CCDC14: variants seen among roughly 807,000 people sequenced by gnomAD.
CCDC14 encodes the protein coiled-coil domain containing 14.
Under a neutral mutation model 81.4 loss-of-function variants are expected in CCDC14, and 71 were observed. That is an observed-to-expected ratio of 0.87 (90% CI 0.72 to 1.06). The LOEUF is 1.06. CCDC14 is among the 50% of genes least tolerant of loss of function. CCDC14 has a pLI of 0.00. For synonymous variants in CCDC14, 332 were observed against 364.8 expected (o/e 0.91, Z 1.03); for missense variants, 1,046 against 1,047.3 (o/e 1.00, Z 0.02).
rs1488129710 is a variant in CCDC14 at position 123,900,311 on chromosome 3, T to C, written c.668-2698A>G. On this transcript the variant is annotated intron_variant, in intron 5 of 5. Transcript: ENST00000479903. ...TTTATAACGGTCTCCCACACACCCA[T>C]GTACCCACTGGAAAAACTGGCTAAT... Among the ~76,000 whole-genome samples, 5 of 152,198 alleles carry C rather than the reference T, an allele frequency of 3.3e-5. No individual in the cohort carries two copies. The East Asian group carries it at 5.8e-4, about 18-fold the overall frequency.
At chr3:123,953,859 T>C (rs1222969234) in intron 5 of CCDC14, 1 of 152,184 alleles carries the variant, frequency 6.6e-6, no homozygotes, top group Admixed American at 6.6e-5. Context: ...TGATAACAGC[T>C]CTGCTGCTCT....
At chr3:123,925,304 T>C (rs937026322) in intron 12 of CCDC14, among the ~76,000 whole-genome samples, 1 of 152,074 alleles carries the variant, frequency 6.6e-6, no homozygotes, top group East Asian at 1.9e-4. Context: ...GAGAGTAGAA[T>C]AGTGGTTACC....
At chr3:123,887,484 A>C in the CCDC14 span, among the ~76,000 whole-genome samples, 949 of 135,764 alleles carry the variant, frequency 7.0e-3, 11 homozygotes, top group African/African-American at 0.028. Flanking sequence ...CAACAACAAA[A>C]AAAAAAAACA....
At chr3:123,899,006 C>G (rs1336945030) in intron 5 of CCDC14, among the ~76,000 whole-genome samples, 1 of 151,848 alleles carries the variant, frequency 6.6e-6, no homozygotes, top group Non-Finnish European at 1.5e-5. Context: ...AGGCCTGATC[C>G]ACCATGCCAG....
At chr3:123,906,132 A>G (rs973080468) in intron 5 of CCDC14, among the ~76,000 whole-genome samples, 1 of 152,118 alleles carries the variant, frequency 6.6e-6, no homozygotes, top group Non-Finnish European at 1.5e-5. Flanking sequence ...GATCGAGACC[A>G]TCCTGGCTAA....
Position 123,956,391 on chromosome 3 carries a change from A to C in CCDC14, c.123T>G (p.Asp41Glu). 1 of 1,548,316 alleles carries C rather than the reference A, an allele frequency of 6.5e-7. No individual in the cohort carries two copies. The change falls in exon 3 of 13, where the codon GAT (aspartate) becomes GAG (glutamate). Residue 41 changes from aspartate (D) to glutamate (E), a missense_variant. Transcript: ENST00000409697. ...YLRKIPRFNA[D>E]SGYSIHSDSE... is the part of the protein sequence containing the mutation. ...AATCAGAATGGATGGAATAGCCAGA[A>C]TCTGCATTAAAACGTGGTATTTTTC...
chr3:123,948,952 GAAGTC>G lies in CCDC14; in HGVS notation c.528_532del (p.Leu176PhefsTer6). ...AGGAATTCCATTAGGGATGTTCTTT[GAAGTC>G]AAGTCATTCATCAGTGACATCTGAG... On this transcript the variant is annotated frameshift_variant, in exon 6 of 13. Transcript: ENST00000409697. LOFTEE classifies it high-confidence loss of function. 1.2e-6 allele frequency: 2 copies of G among 1,614,010 alleles called. No homozygotes were observed. Among genetic ancestry groups the G allele is most frequent in the Non-Finnish European group, 1.7e-6 (2 of 1,179,886 alleles).
At chr3:123,955,645 A>G (rs2037281113) in intron 5 of CCDC14, 198 bp downstream of exon 5, 2 of 403,686 alleles carry the variant, frequency 5.0e-6, no homozygotes, top group Non-Finnish European at 8.5e-6. Flanking sequence ...CTCTTTTTCT[A>G]TTTTTCTTCT....
At chr3:123,943,067 T>C (rs1052081663) in intron 9 of CCDC14, among the ~76,000 whole-genome samples, 1 of 151,788 alleles carries the variant, frequency 6.6e-6, no homozygotes, top group African/African-American at 2.4e-5. Flanking sequence ...TATATACATA[T>C]TGTATATAAA....
At chr3:123,890,900 A>T in the CCDC14 span, among the ~76,000 whole-genome samples, 1 of 152,188 alleles carries the variant, frequency 6.6e-6, no homozygotes, top group South Asian at 2.1e-4. Flanking sequence ...GTTCTCCATG[A>T]CTTCCCTGCC....
At chr3:123,948,642 G>T in intron 7 of CCDC14, 49 bp downstream of exon 7, 1 of 1,318,784 alleles carries the variant, frequency 7.6e-7, no homozygotes, top group Non-Finnish European at 1.1e-6. Flanking sequence ...CCTCCTGAAT[G>T]ACTGCTATAA....
intron 1 of CCDC14, chr3:123,958,498 CAA>C (rs1329112645): frequency 6.6e-6 from 1 of 151,958 alleles, no homozygotes; most frequent in Non-Finnish European, 1.5e-5. Context: ...AATAATAGTA[CAA>C]AGATGCCCTA....
chr3:123,906,863 C>T (rs573638127), intron 5 of CCDC14, among the ~76,000 whole-genome samples: 5 of 152,322 alleles, frequency 3.3e-5, no homozygotes, highest in African/African-American at 1.2e-4. Context: ...CCTTGACTTG[C>T]TTTCAATTTT....
the CCDC14 span, among the ~76,000 whole-genome samples, chr3:123,887,484 A>ACAAC: frequency 7.4e-5 from 10 of 135,764 alleles, 1 homozygote; most frequent in African/African-American, 3.1e-4. Context: ...CAACAACAAA[A>ACAAC]AAAAAAAACA....
intron 5 of CCDC14, among the ~76,000 whole-genome samples, chr3:123,950,244 T>C (rs1016182021): frequency 6.6e-5 from 10 of 152,160 alleles, no homozygotes; most frequent in African/African-American, 2.4e-4. Context: ...CTACCAAAGC[T>C]AAACGTACAT....
chr3:123,947,164 T>C lies in CCDC14; in HGVS notation c.840A>G (p.Gln280=). 2 of 1,613,980 alleles carry C rather than the reference T, an allele frequency of 1.2e-6. No homozygotes were observed. The highest frequency in any genetic ancestry group is 2.2e-5 in the East Asian group (1 of 44,882). Residue 280 remains glutamine, a synonymous_variant, in exon 8 of 13, where the codon CAA becomes CAG. Coordinates refer to ENST00000409697, the MANE Select transcript of CCDC14 (RefSeq NM_001366335.1). ...TDISAIPTLQ[Q]LGLVNGILPQ... The stretch of plus-strand genomic sequence containing the variant: ...GCAGAATTCCATTAACAAGGCCCAG[T>C]TGCTGCAATGTTGGAATAGCTGATA...
chr3:123,946,929 T>A lies in CCDC14; in HGVS notation c.1075A>T (p.Ile359Leu). Reference protein sequence around the residue: ...EATSERKDLNIHVRDTKTVKD... With the variant: ...EATSERKDLNLHVRDTKTVKD... ...ACTGTTTTTGTATCTCGCACATGTA[T>A]GTTTAAATCCTTTCTTTCACTTGTG... The change falls in exon 8 of 13, where the codon ATA (isoleucine) becomes TTA (leucine). Residue 359 changes from isoleucine to leucine, a missense_variant. Transcript: ENST00000409697. The A allele has an allele frequency of 6.2e-7, 1 of 1,614,014 alleles. No homozygotes were observed. Among genetic ancestry groups the A allele is most frequent in the South Asian group, 1.1e-5 (1 of 91,086 alleles).
chr3:123,888,555 A>G, the CCDC14 span, among the ~76,000 whole-genome samples: 2 of 152,306 alleles, frequency 1.3e-5, no homozygotes, highest in African/African-American at 2.4e-5. Context: ...TGGGTAATTT[A>G]TGAAGAAAAG....
At chr3:123,937,628 T>C (rs184332299) in intron 9 of CCDC14, among the ~76,000 whole-genome samples, 1 of 151,978 alleles carries the variant, frequency 6.6e-6, no homozygotes, top group Non-Finnish European at 1.5e-5. Context: ...TTCTTCATTT[T>C]TAATAAGTGT....
Sources: allele counts gnomAD v4.1 joint callset (sites outside exome capture counted in the v4.1 genomes callset), GRCh38; gene constraint gnomAD v4.1.1; transcripts MANE v1.5; gene names NCBI Gene and HGNC (gene_info 2026-07-23, HGNC 2026-07-21).